The following HAVCR1 variants were observed in gnomAD, a reference collection of about 807,000 sequenced individuals.
HAVCR1 encodes the protein hepatitis A virus cellular receptor 1, also known as T cell immunoglobin domain and mucin domain protein 1.
A neutral mutation model predicts 32.0 loss-of-function variants in HAVCR1; 34 were observed. The observed-to-expected ratio is 1.06, with a 90% CI of 0.81 to 1.42. The LOEUF (loss-of-function observed/expected upper bound fraction) is 1.42. HAVCR1 is among the 40% of genes most tolerant of loss of function. HAVCR1 has a pLI of 0.00. For synonymous variants in HAVCR1, 178 were observed against 170.3 expected, an observed-to-expected ratio of 1.05 and a Z score of -0.35; for missense variants, 420 against 442.3, an observed-to-expected ratio of 0.95 and a Z score of 0.45.
rs762365419 is a variant in HAVCR1 at position 157,052,613 on chromosome 5, C to A, written c.421G>T (p.Val141Phe). ...GTGGTGCTCGTTCGAACAGTCGTGA[C>A]GGTTGGAACAGTTGTGACAATTGGA... ...TTPIVTTVPT[V>F]TTVRTSTTVP... Residue 141 changes from valine (V) to phenylalanine (F), a missense_variant, in exon 4 of 9, where the codon GTC becomes TTC. By Grantham distance (50) the Val-to-Phe change is conservative. Transcript: ENST00000523175. The A allele has an allele frequency of 6.2e-7, 1 of 1,613,998 alleles. No individual in the cohort carries two copies. The highest frequency in any genetic ancestry group is 2.2e-5 in the East Asian group (1 of 44,872).
At chr5:157,055,625 G>A in intron 2 of HAVCR1, 92 bp from the exon 3 acceptor site, 1 of 751,212 alleles carries the variant, frequency 1.3e-6, no homozygotes. Context: ...AAGAACTTTG[G>A]GAGACCAAGG....
At chr5:157,038,057 T>C (rs2113512502) in intron 6 of HAVCR1, among the ~76,000 whole-genome samples, 1 of 152,266 alleles carries the variant, frequency 6.6e-6, no homozygotes, top group South Asian at 2.1e-4. Flanking sequence ...TGACTTGATG[T>C]GATGTTATCT....
intron 4 of HAVCR1, among the ~76,000 whole-genome samples, chr5:157,052,153 T>A (rs1002508438): frequency 2.0e-5 from 3 of 152,216 alleles, no homozygotes; most frequent in African/African-American, 7.2e-5. Context: ...CAAAAAGCAA[T>A]GGGTCCCCTC....
chr5:157,045,820 A>G (rs1408322578), intron 5 of HAVCR1, among the ~76,000 whole-genome samples: 2 of 152,160 alleles, frequency 1.3e-5, no homozygotes, highest in African/African-American at 2.4e-5. Flanking sequence ...CCACGGCCAA[A>G]ATGGCAGCAG....
intron 2 of HAVCR1, among the ~76,000 whole-genome samples, chr5:157,057,457 A>ATC (rs1756275385): frequency 8.7e-6 from 1 of 115,506 alleles, no homozygotes; most frequent in African/African-American, 3.2e-5. Context: ...GAAAGAAAGA[A>ATC]AGAAAGAGAA....
chr5:157,031,812 A>G (rs2113471264), intron 8 of HAVCR1, among the ~76,000 whole-genome samples: 2 of 151,950 alleles, frequency 1.3e-5, no homozygotes, highest in East Asian at 3.9e-4. Flanking sequence ...AAAAAAAAAA[A>G]AAAAGTAACT....
At chr5:157,032,448 G>A (rs1754232830) in intron 8 of HAVCR1, among the ~76,000 whole-genome samples, 1 of 152,230 alleles carries the variant, frequency 6.6e-6, no homozygotes, top group South Asian at 2.1e-4. Context: ...AACCCAGGAG[G>A]TGGAGGTTGT....
the HAVCR1 span, among the ~76,000 whole-genome samples, chr5:157,067,753 A>ATCTCGG: frequency 6.6e-6 from 1 of 151,992 alleles, no homozygotes; most frequent in Non-Finnish European, 1.5e-5. Context: ...CAATGGCTCG[A>ATCTCGG]TCTCGGCCCA....
chr5:157,042,890 G>A lies in HAVCR1; in HGVS notation c.782-208C>T, dbSNP rs77148338. On this transcript the variant is annotated intron_variant, in intron 5 of 8. Transcript: ENST00000523175. Reference sequence around the variant, plus strand: ...TGTATTTCTTAACCTTTCTGTCACCGGCTCTTTGAAAATGGACTCTTGTTT... The same window carrying A: ...TGTATTTCTTAACCTTTCTGTCACCAGCTCTTTGAAAATGGACTCTTGTTT... Among the ~76,000 whole-genome samples, 597 of 152,062 alleles carry A rather than the reference G, an allele frequency of 3.9e-3. 4 individuals are homozygous for A. Among genetic ancestry groups the A allele is most frequent in the African/African-American group, 0.013 (544 of 41,474 alleles).
At chr5:157,033,033 C>T (rs1049524446) in intron 7 of HAVCR1, 146 bp from the exon 8 acceptor site, 22 of 563,898 alleles carry the variant, frequency 3.9e-5, no homozygotes, top group Non-Finnish European at 6.7e-5. Flanking sequence ...TTCCCATGTC[C>T]CTTTTGATTC....
chr5:157,068,819 T>TA, the HAVCR1 span, among the ~76,000 whole-genome samples: 7 of 152,224 alleles, frequency 4.6e-5, no homozygotes, highest in South Asian at 1.5e-3. Flanking sequence ...CTATGTCGCC[T>TA]AGGCTGGTCT....
intron 6 of HAVCR1, among the ~76,000 whole-genome samples, chr5:157,039,864 T>C (rs746613845): frequency 9.9e-5 from 15 of 152,162 alleles, no homozygotes; most frequent in Non-Finnish European, 1.9e-4. Context: ...GTTTTCAAGA[T>C]ACCTGGGAGA....
intron 6 of HAVCR1, among the ~76,000 whole-genome samples, chr5:157,041,223 T>C (rs1306527558): frequency 6.6e-6 from 1 of 152,076 alleles, no homozygotes; most frequent in African/African-American, 2.4e-5. Flanking sequence ...CTGGGCCGGG[T>C]ACGGTGGCTC....
intron 5 of HAVCR1, among the ~76,000 whole-genome samples, chr5:157,042,999 AAC>A (rs1396146534): frequency 3.5e-4 from 53 of 152,322 alleles, no homozygotes; most frequent in African/African-American, 1.1e-3. Context: ...CCATTCATGG[AAC>A]CAGGTTAAGA....
upstream of HAVCR1, among the ~76,000 whole-genome samples, chr5:157,061,540 C>G (rs1332711696): frequency 2.0e-5 from 3 of 151,886 alleles, no homozygotes; most frequent in East Asian, 5.8e-4. Context: ...AAACCCAACT[C>G]TACCAAAAAT....
intron 7 of HAVCR1, among the ~76,000 whole-genome samples, chr5:157,033,688 T>G (rs1421920442): frequency 6.6e-6 from 1 of 152,154 alleles, no homozygotes; most frequent in East Asian, 1.9e-4. Context: ...GTCTGTTCTT[T>G]GGGCCCATTC....
chr5:157,060,295 C>CTA (rs564046536), upstream of HAVCR1, among the ~76,000 whole-genome samples: 311 of 152,118 alleles, frequency 2.0e-3, 1 homozygote, highest in African/African-American at 7.3e-3. Context: ...TGGCCCTGAC[C>CTA]TACCCCATAG....
intron 8 of HAVCR1, among the ~76,000 whole-genome samples, chr5:157,030,787 C>A (rs1256156249): frequency 5.9e-5 from 9 of 152,096 alleles, no homozygotes. Flanking sequence ...CAAAGCCTGC[C>A]CCCAAAATAT....
chr5:157,029,875 A>T (rs1413709192), intron 8 of HAVCR1, 34 bp from the exon 9 acceptor site: 2 of 1,590,670 alleles, frequency 1.3e-6, no homozygotes, highest in East Asian at 2.2e-5. Flanking sequence ...TAACATGAGT[A>T]AGAAAAAAAG....
Sources: gnomAD v4.1 joint callset for allele counts (sites outside exome capture counted in the v4.1 genomes callset) on GRCh38, gnomAD v4.1.1 for gene constraint, MANE v1.5 for transcripts, NCBI Gene and HGNC (gene_info 2026-07-23, HGNC 2026-07-21) for gene names.